Variants in FAM135B observed in about 807,000 individuals in gnomAD.
FAM135B encodes family with sequence similarity 135 member B.
FAM135B carries 43 observed loss-of-function variants against 127.7 expected under a neutral mutation model. The observed-to-expected ratio is 0.34, with a 90% CI of 0.26 to 0.43. The LOEUF (loss-of-function observed/expected upper bound fraction) is 0.43, where lower values mean the gene tolerates loss of function less well. Ranked by LOEUF, FAM135B falls within the 20% of genes least tolerant of loss-of-function variation. The pLI is 1.00. For missense variants in FAM135B, 1,558 were observed against 1,725.6 expected, an observed-to-expected ratio of 0.90 and a Z score of 1.72; for synonymous variants, 670 against 665.1, an observed-to-expected ratio of 1.01 and a Z score of -0.11.
At chr8:138,487,638 G>T (rs1407205228) in intron 1 of FAM135B, among the ~76,000 whole-genome samples, 5 of 149,154 alleles carry the variant, frequency 3.4e-5, no homozygotes, top group African/African-American at 1.3e-4. Flanking sequence ...TGTGTGTGGG[G>T]GTGGGGGCGG....
rs114946223 is a variant in FAM135B at position 138,163,543 on chromosome 8, C to T, written c.1258+4352G>A. On this transcript the variant is annotated intron_variant, in intron 12 of 19. Transcript: ENST00000395297. ...AGTTTCCCCCATCTGTTCTCGTGCT[C>T]GTGAATACACCTCACAAGATCTGAT... 9.2e-4 allele frequency among the ~76,000 whole-genome samples: 140 copies of T among 152,184 alleles called. 1 individual carries two copies. The highest frequency in any genetic ancestry group is 2.7e-3 in the African/African-American group (112 of 41,526).
At chr8:138,332,843 G>A (rs1189221140) in intron 2 of FAM135B, among the ~76,000 whole-genome samples, 2 of 152,136 alleles carry the variant, frequency 1.3e-5, no homozygotes, top group Non-Finnish European at 2.9e-5. Flanking sequence ...TCTGTGTGGT[G>A]CTTCTTCAGG....
chr8:138,192,982 G>A (rs912059133), intron 9 of FAM135B, among the ~76,000 whole-genome samples: 1 of 152,178 alleles, frequency 6.6e-6, no homozygotes, highest in African/African-American at 2.4e-5. Flanking sequence ...CACACAGTGA[G>A]TAGGTAGAGA....
chr8:138,268,993 GAA>G (rs1823164744), intron 3 of FAM135B, among the ~76,000 whole-genome samples: 1 of 152,092 alleles, frequency 6.6e-6, no homozygotes. Context: ...GAATGTGAAA[GAA>G]AAAGAGGAGG....
intron 1 of FAM135B, among the ~76,000 whole-genome samples, chr8:138,443,470 A>G (rs1835927431): frequency 6.6e-6 from 1 of 151,948 alleles, no homozygotes; most frequent in African/African-American, 2.4e-5. Context: ...AAAAGCAAAC[A>G]AAAAAAAGGA....
rs534913223 is a variant in FAM135B at position 138,154,559 on chromosome 8, A to G, written c.1259-1343T>C. Among the ~76,000 whole-genome samples, 107 of 152,246 alleles carry G rather than the reference A, an allele frequency of 7.0e-4. 2 individuals are homozygous for G. The highest frequency in any genetic ancestry group is 4.6e-3 in the South Asian group (22 of 4,814). The stretch of plus-strand genomic sequence containing the variant: ...TAAAAACCTTGAAAAAAGATTAGAC[A>G]AATGGCTAACTAGAATAAACAGCAT... On this transcript the variant is annotated intron_variant, in intron 12 of 19. Transcript: ENST00000395297.
At chr8:138,490,107 G>A (rs1282532919) in intron 1 of FAM135B, among the ~76,000 whole-genome samples, 1 of 152,128 alleles carries the variant, frequency 6.6e-6, no homozygotes, top group Non-Finnish European at 1.5e-5. Context: ...TAGGCACTTT[G>A]GAAATAAAAT....
At chr8:138,292,744 G>A (rs969929578) in intron 3 of FAM135B, among the ~76,000 whole-genome samples, 2 of 151,956 alleles carry the variant, frequency 1.3e-5, no homozygotes, top group African/African-American at 4.8e-5. Flanking sequence ...TTAATAAATG[G>A]AAACACATCT....
At chr8:138,270,521 C>G (rs781166708) in intron 3 of FAM135B, among the ~76,000 whole-genome samples, 1 of 152,240 alleles carries the variant, frequency 6.6e-6, no homozygotes, top group African/African-American at 2.4e-5. Context: ...TCTTGGTTCA[C>G]TGTGTGCTGC....
intron 1 of FAM135B, among the ~76,000 whole-genome samples, chr8:138,411,474 C>T (rs931693593): frequency 5.9e-5 from 9 of 151,998 alleles, no homozygotes; most frequent in Admixed American, 1.3e-4. Context: ...ACACCTTATA[C>T]GAAAATCAAT....
At chr8:138,486,888 A>G (rs536714535) in intron 1 of FAM135B, among the ~76,000 whole-genome samples, 1 of 152,298 alleles carries the variant, frequency 6.6e-6, no homozygotes, top group East Asian at 1.9e-4. Flanking sequence ...AACAAATATC[A>G]GAAATAGGGT....
At chr8:138,435,175 G>A (rs891751943) in intron 1 of FAM135B, among the ~76,000 whole-genome samples, 2 of 152,126 alleles carry the variant, frequency 1.3e-5, no homozygotes, top group African/African-American at 2.4e-5. Context: ...GCAGGCGCCT[G>A]TAATCCCAGC....
At chr8:138,177,553 G>C (rs957062256) in intron 10 of FAM135B, 133 bp from the exon 11 acceptor site, 1 of 727,328 alleles carries the variant, frequency 1.4e-6, no homozygotes, top group African/African-American at 1.8e-5. Flanking sequence ...CTGACCTGAA[G>C]GTTCTGAATC....
At chr8:138,397,260 C>T (rs1832904283) in intron 1 of FAM135B, among the ~76,000 whole-genome samples, 1 of 152,196 alleles carries the variant, frequency 6.6e-6, no homozygotes, top group Admixed American at 6.5e-5. Flanking sequence ...ACCTTGAACA[C>T]ATCATTCTAA....
At chr8:138,322,588 C>T (rs1827522862) in intron 2 of FAM135B, among the ~76,000 whole-genome samples, 1 of 152,110 alleles carries the variant, frequency 6.6e-6, no homozygotes, top group Non-Finnish European at 1.5e-5. Flanking sequence ...AGCTAATGCC[C>T]CATAATCTAA....
At chr8:138,446,137 G>T (rs1428743128) in intron 1 of FAM135B, among the ~76,000 whole-genome samples, 1 of 152,076 alleles carries the variant, frequency 6.6e-6, no homozygotes, top group South Asian at 2.1e-4. Flanking sequence ...ACAAACCACT[G>T]CTCAATGAAA....
At chr8:138,421,652 G>T (rs1229222101) in intron 1 of FAM135B, among the ~76,000 whole-genome samples, 1 of 152,004 alleles carries the variant, frequency 6.6e-6, no homozygotes, top group African/African-American at 2.4e-5. Context: ...CAAACAAATA[G>T]AAAAACATTC....
chr8:138,383,038 A>T (rs1831956647), intron 1 of FAM135B, among the ~76,000 whole-genome samples: 1 of 152,216 alleles, frequency 6.6e-6, no homozygotes, highest in Non-Finnish European at 1.5e-5. Flanking sequence ...TCCCAGGCTC[A>T]ACAAAGTTCA....
Position 138,242,859 on chromosome 8 carries a change from A to G in FAM135B, c.669+83T>C. The stretch of plus-strand genomic sequence containing the variant: ...CAAAAATCTCTGAAGGGGATGTTTC[A>G]AAGAAGCATGAATCTCATAGAACAT... On this transcript the variant is annotated intron_variant, in intron 7 of 19. Coordinates refer to ENST00000395297, the MANE Select transcript of FAM135B (RefSeq NM_015912.4). The surrounding 1 kb of genome is among the most constrained non-coding windows in gnomAD (Gnocchi z 9.6). 1 of 1,504,160 alleles carries G rather than the reference A, an allele frequency of 6.6e-7. No homozygotes were observed. The highest frequency in any genetic ancestry group is 8.9e-7 in the Non-Finnish European group (1 of 1,125,920). 93.2% of individuals were successfully genotyped at this position (1,504,160 alleles called of 1,614,324 possible). A position where few individuals can be genotyped will look rare whatever the true frequency, so the allele number is the denominator to read the frequency against.
Sources: allele counts gnomAD v4.1 joint callset (sites outside exome capture counted in the v4.1 genomes callset), GRCh38; gene constraint gnomAD v4.1.1; non-coding constraint Gnocchi (gnomAD v3.1); transcripts MANE v1.5; gene names NCBI Gene and HGNC (gene_info 2026-07-23, HGNC 2026-07-21).